The following STOX1 variants were observed in gnomAD, a reference collection of about 807,000 sequenced individuals.
The protein encoded by STOX1 is storkhead box 1, also known as storkhead-box protein 1.
In STOX1, 57 loss-of-function variants were observed where a neutral mutation model predicts 74.8. The observed-to-expected ratio is 0.76, with a 90% confidence interval of 0.62 to 0.95. The LOEUF is 0.95. STOX1 is among the 40% of genes least tolerant of loss of function. The probability of loss-of-function intolerance (pLI) is 0.00; values close to 1 mark genes in which losing one functional copy is unlikely to be tolerated. For missense variants in STOX1, 1,010 were observed against 1,117.0 expected, an observed-to-expected ratio of 0.90 and a Z score of 1.37; for synonymous variants, 375 against 401.3, an observed-to-expected ratio of 0.93 and a Z score of 0.78.
intron 1 of STOX1, among the ~76,000 whole-genome samples, chr10:68,847,593 A>G (rs1839885614): frequency 6.6e-6 from 1 of 151,760 alleles, no homozygotes; most frequent in Non-Finnish European, 1.5e-5. Context: ...TATTTTTAGT[A>G]GAGATGGGAT....
At chr10:68,859,665 G>C (rs1467248836) in intron 1 of STOX1, among the ~76,000 whole-genome samples, 4 of 152,008 alleles carry the variant, frequency 2.6e-5, no homozygotes, top group Non-Finnish European at 5.9e-5. Flanking sequence ...TAATGTCCTT[G>C]GCTAGGTATT....
chr10:68,868,163 G>A (rs746945727), intron 1 of STOX1, among the ~76,000 whole-genome samples: 53 of 152,170 alleles, frequency 3.5e-4, no homozygotes, highest in East Asian at 7.7e-4. Flanking sequence ...CCAATCCAGC[G>A]GTGCTAGAGG....
intron 3 of STOX1, among the ~76,000 whole-genome samples, chr10:68,888,473 A>G (rs1267231945): frequency 6.6e-6 from 1 of 152,128 alleles, no homozygotes; most frequent in Non-Finnish European, 1.5e-5. Flanking sequence ...GTCCAAATGT[A>G]TAGATCTATA....
chr10:68,856,348 G>A (rs1167313679), intron 1 of STOX1, among the ~76,000 whole-genome samples: 1 of 152,050 alleles, frequency 6.6e-6, no homozygotes, highest in Non-Finnish European at 1.5e-5. Flanking sequence ...CAAAAAGGGA[G>A]GCAGAATGCA....
intron 1 of STOX1, among the ~76,000 whole-genome samples, chr10:68,866,712 A>G (rs1840414197): frequency 6.6e-6 from 1 of 151,996 alleles, no homozygotes; most frequent in Admixed American, 6.6e-5. Flanking sequence ...TCCTGTTTCT[A>G]CTTTCTGTGG....
intron 1 of STOX1, among the ~76,000 whole-genome samples, chr10:68,851,005 C>T (rs200905884): frequency 6.6e-6 from 1 of 151,368 alleles, no homozygotes; most frequent in East Asian, 1.9e-4. Context: ...AAAAAGCAAA[C>T]AAACACAAAA....
Position 68,884,246 on chromosome 10 carries a change from C to T in STOX1, c.464-14C>T, listed in dbSNP as rs1413491024. ...TTATTCAAAATCTATCTGTAAAATG[C>T]TTGTCTGTTTTAGGCATTGCAATTC... On this transcript the variant is annotated splice_polypyrimidine_tract_variant and intron_variant, in intron 2 of 3. Coordinates refer to ENST00000298596, the MANE Select transcript of STOX1 (RefSeq NM_152709.5). 2 of 1,613,024 alleles carry T rather than the reference C, an allele frequency of 1.2e-6. No homozygotes were observed. The highest frequency in any genetic ancestry group is 1.3e-5 in the African/African-American group (1 of 74,888).
chr10:68,887,720 A>G (rs550318001), intron 3 of STOX1, among the ~76,000 whole-genome samples: 3 of 150,940 alleles, frequency 2.0e-5, no homozygotes, highest in Admixed American at 6.6e-5. Context: ...TAGCCTCCCA[A>G]GTAGCTGGGA....
At chr10:68,846,560 A>G (rs952145150) in intron 1 of STOX1, among the ~76,000 whole-genome samples, 2 of 152,326 alleles carry the variant, frequency 1.3e-5, no homozygotes, top group African/African-American at 2.4e-5. Flanking sequence ...TCAAATAGCA[A>G]TTGACCACAT....
chr10:68,862,819 C>T (rs1221888827), intron 1 of STOX1, among the ~76,000 whole-genome samples: 6 of 152,076 alleles, frequency 3.9e-5, no homozygotes. Context: ...TGTGCAGCAC[C>T]TCTGCCTATT....
rs1440675962 is a variant in STOX1, at chr10:68,884,374, T to G, written c.578T>G (p.Phe193Cys). ...GYFIVTPQTY[F>C]ITNTTTQENK... ...TTCATAGTTACTCCTCAGACTTACT[T>G]CATTACAAATACAACCACCCAGGAA... is the stretch of plus-strand genomic sequence containing the variant. Residue 193 changes from phenylalanine to cysteine, a missense_variant, in exon 3 of 4, where the codon TTC becomes TGC. Physicochemically the swap from Phe to Cys is radical, Grantham distance 205. Coordinates refer to ENST00000298596, the MANE Select transcript of STOX1 (RefSeq NM_152709.5). 1.2e-6 allele frequency: 2 copies of G among 1,614,166 alleles called. No individual in the cohort carries two copies. Among genetic ancestry groups the G allele is most frequent in the South Asian group, 2.2e-5 (2 of 91,080 alleles).
At chr10:68,844,289 A>G (rs926363400) in intron 1 of STOX1, among the ~76,000 whole-genome samples, 2 of 123,666 alleles carry the variant, frequency 1.6e-5, no homozygotes, top group African/African-American at 5.8e-5. Flanking sequence ...CTATGTCTGG[A>G]TCTTCTTTTT....
chr10:68,880,164 C>CTTTTTTTTTTTTTTTTTT (rs71028800), intron 1 of STOX1, among the ~76,000 whole-genome samples: 5 of 124,416 alleles, frequency 4.0e-5, no homozygotes, highest in African/African-American at 8.4e-5. Context: ...TCTTTCTTTC[C>CTTTTTTTTTTTTTTTTTT]TTTTTTTTTT....
At chr10:68,863,926 T>TTG (rs1455915739) in intron 1 of STOX1, among the ~76,000 whole-genome samples, 5 of 150,606 alleles carry the variant, frequency 3.3e-5, no homozygotes, top group Non-Finnish European at 5.9e-5. Context: ...GCTTGTTTTT[T>TTG]TTTTTTTTTT....
Position 68,884,611 on chromosome 10 carries a change from T to A in STOX1, c.815T>A (p.Leu272His), listed in dbSNP as rs376248472. 3.1e-6 allele frequency: 5 copies of A among 1,613,814 alleles called. No individual in the cohort carries two copies. In the African/African-American group the frequency reaches 6.7e-5, roughly 22 times the overall value. Residue 272 changes from leucine to histidine, a missense_variant, in exon 3 of 4, where the codon CTT becomes CAT. Leu to His is a moderately conservative substitution (Grantham distance 99). Transcript: ENST00000298596. ...GTGACTAGGAAGAGTCACAGAGGTC[T>A]TGGGGAATCCGTATCTTGGGTACAG... Reference protein sequence around the residue: ...AEVTRKSHRGLGESVSWVQNG... With the variant: ...AEVTRKSHRGHGESVSWVQNG...
At chr10:68,890,489 C>A (rs1157214718) in intron 3 of STOX1, among the ~76,000 whole-genome samples, 1 of 152,104 alleles carries the variant, frequency 6.6e-6, no homozygotes, top group Non-Finnish European at 1.5e-5. Context: ...ACATTTAGAT[C>A]ATTCCCAATT....
intron 3 of STOX1, among the ~76,000 whole-genome samples, chr10:68,887,591 CTTTCT>C (rs1242613273): frequency 8.5e-5 from 9 of 106,330 alleles, no homozygotes; most frequent in Admixed American, 5.1e-4. Flanking sequence ...CTAATATTTT[CTTTCT>C]TTTTTTTTTT....
At chr10:68,843,312 G>A (rs1453588144) in intron 1 of STOX1, among the ~76,000 whole-genome samples, 4 of 152,176 alleles carry the variant, frequency 2.6e-5, no homozygotes, top group African/African-American at 4.8e-5. Context: ...GATTATAGCC[G>A]TGAGCCACTG....
At chr10:68,859,611 A>G (rs1286256552) in intron 1 of STOX1, among the ~76,000 whole-genome samples, 2 of 152,118 alleles carry the variant, frequency 1.3e-5, no homozygotes, top group African/African-American at 2.4e-5. Context: ...TAGCAAGACA[A>G]ATGTTTTGCT....
Sources: gnomAD v4.1 joint callset for allele counts (sites outside exome capture counted in the v4.1 genomes callset) on GRCh38, gnomAD v4.1.1 for gene constraint, MANE v1.5 for transcripts, NCBI Gene and HGNC (gene_info 2026-07-23, HGNC 2026-07-21) for gene names.